NLRP13: variants seen among roughly 807,000 people sequenced by gnomAD.
NLRP13 encodes NLR family pyrin domain containing 13, also known as NACHT, LRR and PYD domains-containing protein 13.
In NLRP13, 82 loss-of-function variants were observed where a neutral mutation model predicts 94.4. That is an observed-to-expected ratio of 0.87 (90% confidence interval 0.73 to 1.04). NLRP13 has a LOEUF of 1.04. Ranked by LOEUF, NLRP13 falls within the 50% of genes least tolerant of loss-of-function variation. NLRP13 has a pLI of 0.00. For synonymous variants in NLRP13, 553 were observed against 464.7 expected, an observed-to-expected ratio of 1.19 and a Z score of -2.45; for missense variants, 1,426 against 1,230.8, an observed-to-expected ratio of 1.16 and a Z score of -2.37.
chr19:55,897,426 G>A (rs577728058), intron 10 of NLRP13, among the ~76,000 whole-genome samples: 2 of 151,986 alleles, frequency 1.3e-5, no homozygotes, highest in Non-Finnish European at 2.9e-5. Flanking sequence ...AGGCTGAGGA[G>A]GAAGGATTGC....
At chr19:55,901,235 C>T (rs567561665) in intron 9 of NLRP13, among the ~76,000 whole-genome samples, 5 of 152,260 alleles carry the variant, frequency 3.3e-5, no homozygotes, top group South Asian at 4.1e-4. Flanking sequence ...CTCTTTGGCC[C>T]GTCGCCACGA....
At chr19:55,930,161 TCA>T (rs1487472426) in intron 1 of NLRP13, among the ~76,000 whole-genome samples, 7 of 152,144 alleles carry the variant, frequency 4.6e-5, no homozygotes, top group African/African-American at 1.7e-4. Context: ...TCCTTAGAAC[TCA>T]CTCATTTGAG....
At chr19:55,895,405 G>A (rs570578932), downstream of NLRP13, among the ~76,000 whole-genome samples, 12 of 150,562 alleles carry the variant, frequency 8.0e-5, no homozygotes, top group Non-Finnish European at 1.2e-4. Context: ...AAAACAGTCC[G>A]GGCATGGTGG....
chr19:55,923,183 A>G (rs1245718094), intron 4 of NLRP13, among the ~76,000 whole-genome samples: 5 of 152,354 alleles, frequency 3.3e-5, no homozygotes, highest in African/African-American at 1.2e-4. Context: ...TATTTAACAA[A>G]AGCACCAAGT....
downstream of NLRP13, among the ~76,000 whole-genome samples, chr19:55,895,335 T>C (rs1985977203): frequency 6.6e-6 from 1 of 151,888 alleles, no homozygotes; most frequent in Non-Finnish European, 1.5e-5. Flanking sequence ...GAACTGAGAT[T>C]GCGCCACTGC....
downstream of NLRP13, among the ~76,000 whole-genome samples, chr19:55,895,675 A>G (rs972369080): frequency 6.6e-6 from 1 of 152,106 alleles, no homozygotes; most frequent in African/African-American, 2.4e-5. Context: ...AGAGCGAGAC[A>G]CTGTCTCAAA....
chr19:55,931,746 A>AGAAAGACAGAAAGAAAGACAGAAAG (rs1568449466), intron 1 of NLRP13, among the ~76,000 whole-genome samples: 5 of 82,034 alleles, frequency 6.1e-5, no homozygotes, highest in African/African-American at 1.9e-4. Context: ...AAGAAAGAAA[A>AGAAAGACAGAAAGAAAGACAGAAAG]AGGCTTATAA....
At chr19:55,920,043 G>C (rs1297863473) in intron 4 of NLRP13, among the ~76,000 whole-genome samples, 2 of 152,138 alleles carry the variant, frequency 1.3e-5, no homozygotes. Flanking sequence ...ACAGCTAGCT[G>C]ATCTTCCGCA....
At position 55,932,243 on chromosome 19, in the gene NLRP13, G is replaced by A; in HGVS notation, c.69C>T (p.Ala23=). 1 of 1,613,078 alleles carries A rather than the reference G, an allele frequency of 6.2e-7. No individual in the cohort carries two copies. The highest frequency in any genetic ancestry group is 8.5e-7 in the Non-Finnish European group (1 of 1,179,714). The change falls in exon 1 of 11, where the codon GCC becomes GCT. Residue 23 remains alanine (A), a synonymous_variant. Transcript: ENST00000342929. The part of the protein sequence containing the change: ...TNQGLLPYLM[A]LDQYQLEEFK... ...ATTCCTCCAGCTGATACTGATCCAG[G>A]GCCATCAGGTAAGGCAGAAGCCCTT...
intron 8 of NLRP13, among the ~76,000 whole-genome samples, chr19:55,904,346 C>T (rs1230779958): frequency 6.6e-6 from 1 of 152,164 alleles, no homozygotes; most frequent in African/African-American, 2.4e-5. Flanking sequence ...CCTCAGCCTC[C>T]CAAAGTGCTG....
chr19:55,912,465 G>T lies in NLRP13; in HGVS notation c.1352C>A (p.Thr451Asn). ...RYYDLQSITQ[T>N]TTSLYAYFFS... ...AAAATAGGCATACAGACTGGTGGTA[G>T]TCTGAGTGATTGACTGGAGATCGTA... The change falls in exon 5 of 11, where the codon ACT becomes AAT. Residue 451 changes from threonine (T) to asparagine (N), a missense_variant. Thr to Asn is a moderately conservative substitution (Grantham distance 65). Transcript: ENST00000342929. 6.2e-7 allele frequency: 1 copy of T among 1,614,232 alleles called. No individual in the cohort carries two copies. Among genetic ancestry groups the T allele is most frequent in the South Asian group, 1.1e-5 (1 of 91,084 alleles).
chr19:55,928,562 C>A (rs757172984), intron 1 of NLRP13, among the ~76,000 whole-genome samples: 9 of 152,090 alleles, frequency 5.9e-5, no homozygotes, highest in Admixed American at 2.0e-4. Flanking sequence ...ACTATGTATC[C>A]AAAAACTTTT....
At chr19:55,901,454 A>G (rs1477458701) in intron 9 of NLRP13, among the ~76,000 whole-genome samples, 3 of 152,092 alleles carry the variant, frequency 2.0e-5, no homozygotes, top group Admixed American at 2.0e-4. Flanking sequence ...GTCGTCTGCG[A>G]TGAGCTGGAG....
rs367641051 is a variant in NLRP13 at position 55,925,002 on chromosome 19, G to A, written c.353C>T (p.Thr118Ile). The change falls in exon 2 of 11, where the codon ACC becomes ATC. Residue 118 changes from threonine (T) to isoleucine (I), a missense_variant. Physicochemically the swap from Thr to Ile is moderately conservative, Grantham distance 89. Coordinates refer to ENST00000342929, the MANE Select transcript of NLRP13 (RefSeq NM_176810.2). ...NVQTQELQDP[T>I]QEDLEMLEAA... is the part of the protein sequence containing the mutation. ...TTCTAGCATCTCTAGATCTTCCTGG[G>A]TTGGATCTTGCAGCTCTTGGGTCTG... The A allele has an allele frequency of 8.1e-6, 13 of 1,613,910 alleles. No individual in the cohort carries two copies. The African/African-American group carries it at 1.7e-4, about 22-fold the overall frequency.
chr19:55,931,954 C>T (rs751663445), intron 1 of NLRP13, 39 bp downstream of exon 1: 1 of 1,597,314 alleles, frequency 6.3e-7, no homozygotes, highest in Non-Finnish European at 8.5e-7. Flanking sequence ...CTCAGGAGTA[C>T]CAAGCAGCCC....
rs756044975 is a variant in NLRP13 at position 55,896,034 on chromosome 19, G to A, written c.3043C>T (p.Leu1015Phe). ...TCAGTATCCAATTCATTGCCTAGAA[G>A]GTTCAGATTGACCAGGCTCTTACTG... The part of the protein sequence containing the change: ...SSSKSLVNLN[L>F]LGNELDTDGV... Residue 1015 changes from leucine to phenylalanine, a missense_variant, in exon 11 of 11, where the codon CTT (leucine) becomes TTT (phenylalanine). Leu to Phe is a conservative substitution (Grantham distance 22). Coordinates refer to ENST00000342929, the MANE Select transcript of NLRP13 (RefSeq NM_176810.2). The A allele has an allele frequency of 1.9e-6, 3 of 1,614,170 alleles. No individual in the cohort carries two copies. In the South Asian group the frequency reaches 3.3e-5, roughly 18 times the overall value.
intron 1 of NLRP13, among the ~76,000 whole-genome samples, chr19:55,925,271 G>A (rs551442645): frequency 9.2e-5 from 14 of 152,182 alleles, no homozygotes; most frequent in East Asian, 3.9e-4. Context: ...AGCCCTCCCC[G>A]CTGCCTGGAT....
At position 55,904,928 on chromosome 19, in the gene NLRP13, T is replaced by A. The variant is rs1986291967; in HGVS notation, c.2618+14A>T. On this transcript the variant is annotated intron_variant, in intron 8 of 10. Coordinates refer to ENST00000342929, the MANE Select transcript of NLRP13 (RefSeq NM_176810.2). ...ATAGAGTCATATCTAGAAATGGAAG[T>A]AGGGAAAACTTACTCCAGTCTCTCT... is the stretch of plus-strand genomic sequence containing the variant. 1 of 1,606,444 alleles carries A rather than the reference T, an allele frequency of 6.2e-7. No individual in the cohort carries two copies. Among genetic ancestry groups the A allele is most frequent in the Non-Finnish European group, 8.5e-7 (1 of 1,173,928 alleles).
At chr19:55,892,400 T>C (rs200758797), downstream of NLRP13, among the ~76,000 whole-genome samples, 14 of 137,126 alleles carry the variant, frequency 1.0e-4, no homozygotes, top group African/African-American at 3.2e-4. Flanking sequence ...CACACACACA[T>C]ATTCATATAC....
Sources: allele counts gnomAD v4.1 joint callset (sites outside exome capture counted in the v4.1 genomes callset), GRCh38; gene constraint gnomAD v4.1.1; transcripts MANE v1.5; gene names NCBI Gene and HGNC (gene_info 2026-07-23, HGNC 2026-07-21).